The following ANO3 variants were observed in gnomAD, a reference collection of about 807,000 sequenced individuals.
ANO3 encodes the protein anoctamin-3.
Under a neutral mutation model 144.8 loss-of-function variants are expected in ANO3, and 99 were observed. The observed-to-expected ratio is 0.68, with a 90% CI of 0.58 to 0.81. The LOEUF is 0.81. Ranked by LOEUF, ANO3 falls within the 30% of genes least tolerant of loss-of-function variation. The pLI is 0.00. For synonymous variants in ANO3, 414 were observed against 392.6 expected, an observed-to-expected ratio of 1.05 and a Z score of -0.64; for missense variants, 905 against 1,202.2, an observed-to-expected ratio of 0.75 and a Z score of 3.66.
chr11:26,630,904 T>G (rs11600634), intron 18 of ANO3, among the ~76,000 whole-genome samples: 1 of 151,896 alleles, frequency 6.6e-6, no homozygotes, highest in Non-Finnish European at 1.5e-5. Flanking sequence ...TGTTATTTAA[T>G]AAGAGTTTCA....
At chr11:26,458,891 G>A (rs1300291291) in intron 3 of ANO3, among the ~76,000 whole-genome samples, 4 of 152,058 alleles carry the variant, frequency 2.6e-5, no homozygotes, top group Non-Finnish European at 4.4e-5. Flanking sequence ...TTTTATATGA[G>A]TGTGTGTTTT....
intron 17 of ANO3, among the ~76,000 whole-genome samples, chr11:26,615,416 T>TA (rs1565144567): frequency 0.011 from 930 of 86,756 alleles, 7 homozygotes; most frequent in Middle Eastern, 0.028. Context: ...ATATATATAT[T>TA]TTTTTTTTTT....
At chr11:26,333,933 G>A (rs1378660188) in intron 1 of ANO3, among the ~76,000 whole-genome samples, 1 of 152,196 alleles carries the variant, frequency 6.6e-6, no homozygotes, top group Non-Finnish European at 1.5e-5. Context: ...CTTTGCAACA[G>A]CCTCACAGAA....
At chr11:26,526,317 A>G (rs971988454) in intron 7 of ANO3, among the ~76,000 whole-genome samples, 4 of 152,204 alleles carry the variant, frequency 2.6e-5, no homozygotes, top group African/African-American at 9.6e-5. Context: ...TTCCATCTGA[A>G]TCTTTTTGTC....
At chr11:26,445,483 C>G (rs928202276) in intron 3 of ANO3, among the ~76,000 whole-genome samples, 1 of 151,986 alleles carries the variant, frequency 6.6e-6, no homozygotes, top group Non-Finnish European at 1.5e-5. Context: ...ATTGGATGCT[C>G]GTAACTTTAT....
chr11:26,422,619 C>T (rs564414031), intron 1 of ANO3, among the ~76,000 whole-genome samples: 6 of 152,086 alleles, frequency 3.9e-5, no homozygotes, highest in African/African-American at 1.4e-4. Flanking sequence ...AACTTCAGAG[C>T]TACACATGCT....
chr11:26,628,105 T>C (rs1436056056), intron 18 of ANO3, among the ~76,000 whole-genome samples: 1 of 152,170 alleles, frequency 6.6e-6, no homozygotes, highest in Admixed American at 6.5e-5. Context: ...TCAAAGTGAT[T>C]TTTTGAACTT....
intron 17 of ANO3, 114 bp downstream of exon 17, chr11:26,599,828 C>A: frequency 1.2e-6 from 1 of 835,098 alleles, no homozygotes; most frequent in Non-Finnish European, 1.8e-6. Context: ...AAGACCAAGC[C>A]ACATTTCTGT....
chr11:26,491,141 T>C (rs1860691727), intron 4 of ANO3, among the ~76,000 whole-genome samples: 1 of 151,164 alleles, frequency 6.6e-6, no homozygotes, highest in African/African-American at 2.5e-5. Flanking sequence ...TTCTTGTACA[T>C]TTTTCCCCTT....
chr11:26,236,381 C>T (rs1427353290), intron 1 of ANO3, among the ~76,000 whole-genome samples: 1 of 152,026 alleles, frequency 6.6e-6, no homozygotes, highest in African/African-American at 2.4e-5. Flanking sequence ...TTATACTATA[C>T]TTCAAGCAAT....
At chr11:26,200,722 A>G (rs1351804184) in intron 1 of ANO3, among the ~76,000 whole-genome samples, 1 of 152,168 alleles carries the variant, frequency 6.6e-6, no homozygotes, top group African/African-American at 2.4e-5. Flanking sequence ...TTAGCAAAAG[A>G]AAGTTGCATA....
intron 1 of ANO3, among the ~76,000 whole-genome samples, chr11:26,371,301 G>T (rs1393234726): frequency 6.6e-6 from 1 of 152,224 alleles, no homozygotes; most frequent in East Asian, 1.9e-4. Flanking sequence ...GTGCACAAAA[G>T]ACAATATTTG....
chr11:26,268,722 G>A (rs1338181761), intron 1 of ANO3, among the ~76,000 whole-genome samples: 1 of 152,092 alleles, frequency 6.6e-6, no homozygotes, highest in African/African-American at 2.4e-5. Flanking sequence ...CTAGATCAGT[G>A]CGACCACAGC....
intron 1 of ANO3, among the ~76,000 whole-genome samples, chr11:26,223,602 TAAA>T (rs58028308): frequency 2.9e-5 from 3 of 103,878 alleles, no homozygotes; most frequent in Non-Finnish European, 4.1e-5. Flanking sequence ...AGCTTTTTAA[TAAA>T]AAAAAAAAAA....
intron 14 of ANO3, among the ~76,000 whole-genome samples, chr11:26,590,009 G>T (rs754566816): frequency 1.3e-5 from 2 of 152,168 alleles, no homozygotes; most frequent in Non-Finnish European, 2.9e-5. Flanking sequence ...TCTATAGAGA[G>T]CTCGTGACAT....
At chr11:26,387,279 T>G (rs1856761191) in intron 1 of ANO3, among the ~76,000 whole-genome samples, 1 of 151,794 alleles carries the variant, frequency 6.6e-6, no homozygotes, top group South Asian at 2.1e-4. Context: ...GCCTTTCAAG[T>G]GCAGTATTGA....
chr11:26,361,752 T>C (rs1855934223), intron 1 of ANO3, among the ~76,000 whole-genome samples: 5 of 152,234 alleles, frequency 3.3e-5, no homozygotes, highest in Admixed American at 2.0e-4. Flanking sequence ...CTTTAGTTTT[T>C]TGACACTCTG....
intron 1 of ANO3, among the ~76,000 whole-genome samples, chr11:26,270,270 T>C (rs1853411658): frequency 6.6e-6 from 1 of 152,116 alleles, no homozygotes; most frequent in South Asian, 2.1e-4. Flanking sequence ...ATTTAACAAC[T>C]CCTAAATGTC....
chr11:26,262,396 T>C (rs1310615095), intron 1 of ANO3, among the ~76,000 whole-genome samples: 1 of 152,146 alleles, frequency 6.6e-6, no homozygotes, highest in Non-Finnish European at 1.5e-5. Flanking sequence ...TGAGGCCCAG[T>C]AACCCACTAT....
Sources: gnomAD v4.1 joint callset for allele counts (sites outside exome capture counted in the v4.1 genomes callset) on GRCh38, gnomAD v4.1.1 for gene constraint, MANE v1.5 for transcripts, NCBI Gene and HGNC (gene_info 2026-07-23, HGNC 2026-07-21) for gene names.